USP22: variants seen among roughly 807,000 people sequenced by gnomAD.
The protein encoded by USP22 is ubiquitin carboxyl-terminal hydrolase 22.
Under a neutral mutation model 68.1 loss-of-function variants are expected in USP22, and 22 were observed. The observed-to-expected ratio is 0.32, with a 90% confidence interval of 0.23 to 0.46. The LOEUF (loss-of-function observed/expected upper bound fraction) is 0.46. Ranked by LOEUF, USP22 falls within the 20% of genes least tolerant of loss-of-function variation. The probability of loss-of-function intolerance (pLI) is 1.00; values close to 1 mark genes in which losing one functional copy is unlikely to be tolerated. For missense variants in USP22, 433 were observed against 695.8 expected, an observed-to-expected ratio of 0.62 and a Z score of 4.25; for synonymous variants, 279 against 274.2, an observed-to-expected ratio of 1.02 and a Z score of -0.17.
Position 21,039,260 on chromosome 17 carries a change from TTA to T in USP22, c.171+3403_171+3404del, listed in dbSNP as rs1972396792. 2.6e-5 allele frequency among the ~76,000 whole-genome samples: 4 copies of T among 151,594 alleles called. No homozygotes were observed. The South Asian group carries it at 8.3e-4, about 32-fold the overall frequency. ...GCCACCATGCCCGGCAGAAATATTT[TTA>T]TAGTCTGCAATACAAGAGTTTTATG... On this transcript the variant is annotated intron_variant, in intron 1 of 12. Coordinates refer to ENST00000261497, the MANE Select transcript of USP22 (RefSeq NM_015276.2).
intron 2 of USP22, among the ~76,000 whole-genome samples, chr17:21,027,479 A>G (rs1972236789): frequency 6.6e-6 from 1 of 152,006 alleles, no homozygotes; most frequent in African/African-American, 2.4e-5. Flanking sequence ...AGAGCATCAA[A>G]TTACAGAACT....
intron 3 of USP22, among the ~76,000 whole-genome samples, chr17:21,020,244 C>CAAAAAAAAAAAAAAAAAAAGAAAAAAAA (rs1972136748): frequency 1.4e-5 from 1 of 73,252 alleles, no homozygotes; most frequent in Non-Finnish European, 2.5e-5. Flanking sequence ...AATCAAAAAC[C>CAAAAAAAAAAAAAAAAAAAGAAAAAAAA]AAAAAAAAAA....
chr17:21,003,114 C>G (rs1335044057), intron 12 of USP22, 41 bp from the exon 13 acceptor site: 2 of 1,611,992 alleles, frequency 1.2e-6, no homozygotes, highest in Non-Finnish European at 1.7e-6. Context: ...CCTCTAACTC[C>G]TAAGACAGGA....
intron 7 of USP22, 92 bp from the exon 8 acceptor site, chr17:21,011,401 C>T: frequency 6.8e-7 from 1 of 1,466,798 alleles, no homozygotes; most frequent in South Asian, 1.3e-5. Flanking sequence ...ACATCCCTTC[C>T]CCGCTGTGCC....
rs371932159 is a variant in USP22 at position 21,007,036 on chromosome 17, T to C, written c.1231-49A>G. On this transcript the variant is annotated intron_variant, in intron 9 of 12. Coordinates refer to ENST00000261497, the MANE Select transcript of USP22 (RefSeq NM_015276.2). ...AGGGAAGAGGAAAGAAGATCAGAAA[T>C]GTCACTGGAAGCTTCAGGGCCTTCT... 1.2e-5 allele frequency: 18 copies of C among 1,510,708 alleles called. No individual in the cohort carries two copies. The African/African-American group carries it at 2.4e-4, about 20-fold the overall frequency. The allele number at this position is 1,510,708 out of a possible 1,614,324, so 93.6% of individuals were successfully genotyped here. A position where few individuals can be genotyped will look rare whatever the true frequency, so the allele number is the denominator to read the frequency against.
At chr17:21,012,211 C>A (rs573607463) in intron 7 of USP22, among the ~76,000 whole-genome samples, 1 of 151,994 alleles carries the variant, frequency 6.6e-6, no homozygotes, top group African/African-American at 2.4e-5. Flanking sequence ...TCGCTTGAGC[C>A]CATGGGTTCA....
chr17:21,032,390 G>T (rs1486207259), intron 1 of USP22, among the ~76,000 whole-genome samples: 1 of 152,200 alleles, frequency 6.6e-6, no homozygotes, highest in Non-Finnish European at 1.5e-5. Context: ...TGATAATACT[G>T]TATCAGATTT....
intron 2 of USP22, among the ~76,000 whole-genome samples, chr17:21,027,666 G>A (rs9903635): frequency 8.5e-5 from 13 of 152,134 alleles, no homozygotes; most frequent in African/African-American, 2.4e-4. Flanking sequence ...GTTAATGCAC[G>A]AAGTCAGAAA....
chr17:21,038,519 T>C (rs893815147), intron 1 of USP22, among the ~76,000 whole-genome samples: 2 of 151,942 alleles, frequency 1.3e-5, no homozygotes, highest in African/African-American at 2.4e-5. Flanking sequence ...AATACAAAAA[T>C]TAGCCAGGTG....
intron 1 of USP22, among the ~76,000 whole-genome samples, chr17:21,031,165 C>T (rs1231040980): frequency 1.3e-5 from 2 of 152,178 alleles, no homozygotes; most frequent in Non-Finnish European, 2.9e-5. Context: ...AACACATGTA[C>T]CCTACAGCCT....
chr17:21,029,887 G>A (rs1429600727), intron 1 of USP22, among the ~76,000 whole-genome samples: 4 of 152,176 alleles, frequency 2.6e-5, no homozygotes, highest in Non-Finnish European at 5.9e-5. Context: ...GGGACAGGGA[G>A]AACAAGGAAC....
intron 3 of USP22, 47 bp from the exon 4 acceptor site, chr17:21,019,232 C>A (rs1481490815): frequency 4.4e-6 from 7 of 1,578,262 alleles, no homozygotes; most frequent in Non-Finnish European, 6.1e-6. Flanking sequence ...TAGATTTTCA[C>A]ATCAAGTGTG....
At chr17:21,003,634 G>A (rs1310296930) in intron 12 of USP22, among the ~76,000 whole-genome samples, 1 of 152,178 alleles carries the variant, frequency 6.6e-6, no homozygotes, top group Non-Finnish European at 1.5e-5. Flanking sequence ...GGGCCCGGTG[G>A]CTCATGCCTG....
intron 1 of USP22, among the ~76,000 whole-genome samples, chr17:21,041,888 G>A (rs1449747086): frequency 6.6e-6 from 1 of 152,162 alleles, no homozygotes; most frequent in African/African-American, 2.4e-5. Flanking sequence ...CACAGCCCAC[G>A]GCGCGCTTCC....
At chr17:21,022,889 T>G (rs1972174328) in intron 2 of USP22, among the ~76,000 whole-genome samples, 1 of 151,826 alleles carries the variant, frequency 6.6e-6, no homozygotes, top group African/African-American at 2.4e-5. Context: ...CGTGTGTTCA[T>G]CGCAGCACTA....
intron 12 of USP22, among the ~76,000 whole-genome samples, chr17:21,003,779 A>G (rs183652881): frequency 1.6e-4 from 24 of 147,060 alleles, no homozygotes; most frequent in Admixed American, 6.0e-4. Flanking sequence ...GCATGCCTAT[A>G]ATCCCAGCTA....
At chr17:21,031,930 T>C (rs923272289) in intron 1 of USP22, among the ~76,000 whole-genome samples, 4 of 152,260 alleles carry the variant, frequency 2.6e-5, no homozygotes, top group Non-Finnish European at 5.9e-5. Flanking sequence ...CAACTGGCGC[T>C]AAATACAGAA....
chr17:21,039,486 C>G (rs866911795), intron 1 of USP22, among the ~76,000 whole-genome samples: 1 of 151,962 alleles, frequency 6.6e-6, no homozygotes, highest in African/African-American at 2.4e-5. Flanking sequence ...ATCACTTAAA[C>G]CCTGGAGGGG....
intron 2 of USP22, among the ~76,000 whole-genome samples, chr17:21,025,375 G>C (rs1297736977): frequency 6.6e-6 from 1 of 152,164 alleles, no homozygotes; most frequent in Admixed American, 6.5e-5. Flanking sequence ...TGTTGGCAAG[G>C]ATGTGAACAA....
Sources: gnomAD v4.1 joint callset for allele counts (sites outside exome capture counted in the v4.1 genomes callset) on GRCh38, gnomAD v4.1.1 for gene constraint, MANE v1.5 for transcripts, NCBI Gene and HGNC (gene_info 2026-07-23, HGNC 2026-07-21) for gene names.